The following MTUS1 variants were observed in gnomAD, a reference collection of about 807,000 sequenced individuals.
MTUS1 encodes microtubule-associated tumor suppressor 1.
Under a neutral mutation model 120.8 loss-of-function variants are expected in MTUS1, and 109 were observed. The ratio of observed to expected loss-of-function variants is 0.90; its 90% CI spans 0.77 to 1.06. MTUS1 has a LOEUF of 1.06. Among genes scored for constraint, MTUS1 ranks in the 50% least tolerant of loss-of-function variants. The pLI is 0.00. For missense variants in MTUS1, 2,210 were observed against 1,486.3 expected (o/e 1.49, Z -8.01); for synonymous variants, 737 against 550.5 (o/e 1.34, Z -4.74).
Position 17,740,376 on chromosome 8 carries a change from G to A in MTUS1, c.2287+3228C>T, listed in dbSNP as rs539687831. Reference sequence around the variant, plus strand: ...TTTATTGAAAACGCCAAATTGGCTGGAACATTTCTGCCGCTTACCTTTCAG... The same window carrying A: ...TTTATTGAAAACGCCAAATTGGCTGAAACATTTCTGCCGCTTACCTTTCAG... On this transcript the variant is annotated intron_variant, in intron 3 of 14. Coordinates refer to ENST00000693296, the MANE Select transcript of MTUS1 (RefSeq NM_001363059.2). Among the ~76,000 whole-genome samples, 11 of 152,294 alleles carry A rather than the reference G, an allele frequency of 7.2e-5. No homozygotes were observed. In the South Asian group the frequency reaches 2.3e-3, roughly 32 times the overall value.
At position 17,729,566 on chromosome 8, in the gene MTUS1, G is replaced by C. The variant is rs372628816; in HGVS notation, c.2288-5733C>G. Among the ~76,000 whole-genome samples the C allele has an allele frequency of 1.9e-4, 29 of 152,240 alleles. 2 individuals are homozygous for C. Among genetic ancestry groups the C allele is most frequent in the African/African-American group, 6.3e-4 (26 of 41,548 alleles). The stretch of plus-strand genomic sequence containing the variant: ...TTCTGTGAATAAATTTATCAAAAAA[G>C]TGCTATTCTATTGTGAAAATTATAA... On this transcript the variant is annotated intron_variant, in intron 3 of 14. Coordinates refer to ENST00000693296, the MANE Select transcript of MTUS1 (RefSeq NM_001363059.2).
At chr8:17,694,382 T>C (rs748010664) in intron 6 of MTUS1, among the ~76,000 whole-genome samples, 4 of 152,178 alleles carry the variant, frequency 2.6e-5, no homozygotes, top group Admixed American at 2.0e-4. Context: ...AAGGTGAGGT[T>C]TGGCCAGACG....
At chr8:17,796,144 T>C (rs1470422209) in intron 1 of MTUS1, among the ~76,000 whole-genome samples, 1 of 111,364 alleles carries the variant, frequency 9.0e-6, no homozygotes, top group Non-Finnish European at 1.9e-5. Context: ...AGAGATGGGG[T>C]TTCACTATGT....
chr8:17,731,312 G>A (rs1191465633), intron 3 of MTUS1, among the ~76,000 whole-genome samples: 4 of 152,142 alleles, frequency 2.6e-5, no homozygotes, highest in African/African-American at 7.2e-5. Context: ...TAGTGAGCAG[G>A]TTCCTCACCG....
chr8:17,657,371 A>G lies in MTUS1; in HGVS notation c.2906-1306T>C, dbSNP rs555638221. 4.4e-3 allele frequency among the ~76,000 whole-genome samples: 669 copies of G among 151,614 alleles called. 6 individuals are homozygous for G. Among genetic ancestry groups the G allele is most frequent in the African/African-American group, 0.016 (647 of 41,382 alleles). On this transcript the variant is annotated intron_variant, in intron 8 of 14. Transcript: ENST00000693296. ...ATCACGAGGTCAGGAGATCGAGACC[A>G]TCCCGGCTAAAACGGTGAAACCCCG...
intron 1 of MTUS1, among the ~76,000 whole-genome samples, chr8:17,788,370 T>C (rs191004141): frequency 2.1e-4 from 32 of 152,348 alleles, no homozygotes; most frequent in African/African-American, 7.2e-4. Flanking sequence ...ATTCTTTTTC[T>C]GTAATCTGCT....
At chr8:17,732,522 C>T (rs1255458306) in intron 3 of MTUS1, among the ~76,000 whole-genome samples, 1 of 152,220 alleles carries the variant, frequency 6.6e-6, no homozygotes, top group East Asian at 1.9e-4. Context: ...GTGGGGCTCT[C>T]ATCCAGTCTG....
chr8:17,774,147 G>T (rs564991038), intron 1 of MTUS1, among the ~76,000 whole-genome samples: 1 of 152,072 alleles, frequency 6.6e-6, no homozygotes, highest in African/African-American at 2.4e-5. Context: ...CTAGATAAAC[G>T]CTACTAACAG....
At chr8:17,679,197 T>C (rs1297293952) in intron 7 of MTUS1, among the ~76,000 whole-genome samples, 3 of 60,246 alleles carry the variant, frequency 5.0e-5, no homozygotes, top group South Asian at 8.7e-4. Context: ...AAAAAATATA[T>C]ATACACACAC....
intron 8 of MTUS1, among the ~76,000 whole-genome samples, chr8:17,667,549 T>C (rs990995823): frequency 1.3e-5 from 2 of 152,234 alleles, no homozygotes; most frequent in South Asian, 2.1e-4. Context: ...CTTTTGGCAA[T>C]GTACTGTTTT....
At chr8:17,657,364 C>T (rs577022601) in intron 8 of MTUS1, among the ~76,000 whole-genome samples, 53 of 151,436 alleles carry the variant, frequency 3.5e-4, no homozygotes, top group Middle Eastern at 3.4e-3. Context: ...GTCAGGAGAT[C>T]GAGACCATCC....
intron 12 of MTUS1, among the ~76,000 whole-genome samples, chr8:17,650,515 G>A (rs1280107493): frequency 6.6e-6 from 1 of 152,150 alleles, no homozygotes; most frequent in African/African-American, 2.4e-5. Flanking sequence ...TACCTACACG[G>A]CATGGAGTAC....
chr8:17,781,358 C>G (rs189442721), intron 1 of MTUS1, among the ~76,000 whole-genome samples: 1 of 152,170 alleles, frequency 6.6e-6, no homozygotes, highest in Admixed American at 6.5e-5. Flanking sequence ...TTAAATAATC[C>G]TCCCCTAAAT....
At chr8:17,766,058 T>A (rs1222612559) in intron 1 of MTUS1, among the ~76,000 whole-genome samples, 1 of 152,208 alleles carries the variant, frequency 6.6e-6, no homozygotes. Flanking sequence ...TACCTTTGTT[T>A]AAATAAAAAA....
intron 1 of MTUS1, among the ~76,000 whole-genome samples, chr8:17,786,744 C>T (rs1018029265): frequency 5.3e-5 from 8 of 152,056 alleles, no homozygotes; most frequent in African/African-American, 1.2e-4. Flanking sequence ...TGGATCCACC[C>T]GAGCGGTATG....
In MTUS1 at chr8:17,694,341, T is replaced by C. The variant is rs7010135; in HGVS notation, c.2624-9799A>G. 3.1e-3 allele frequency among the ~76,000 whole-genome samples: 476 copies of C among 152,242 alleles called. 2 individuals are homozygous for C. Among genetic ancestry groups the C allele is most frequent in the East Asian group, 0.013 (68 of 5,176 alleles). On this transcript the variant is annotated intron_variant, in intron 6 of 14. Coordinates refer to ENST00000693296, the MANE Select transcript of MTUS1 (RefSeq NM_001363059.2). ...AGTCTTAGAGTTTTCAACCAATTGATTGTGGATAAATCAGGACAAGTAATG... is the reference window on the plus strand; with the variant it reads ...AGTCTTAGAGTTTTCAACCAATTGACTGTGGATAAATCAGGACAAGTAATG...
At chr8:17,697,292 G>A (rs1433023473) in intron 6 of MTUS1, 2 of 1,614,134 alleles carry the variant, frequency 1.2e-6, no homozygotes. Context: ...CCTAAACCCT[G>A]AAGGAAGTCG....
intron 6 of MTUS1, among the ~76,000 whole-genome samples, chr8:17,696,465 C>G (rs1397520187): frequency 6.6e-6 from 1 of 151,986 alleles, no homozygotes; most frequent in African/African-American, 2.4e-5. Context: ...CTATTCAGCC[C>G]AAAACAAATA....
chr8:17,656,644 G>A (rs1033081676), intron 8 of MTUS1, among the ~76,000 whole-genome samples: 2 of 148,798 alleles, frequency 1.3e-5, no homozygotes, highest in Non-Finnish European at 3.0e-5. Context: ...CTCATGTGGT[G>A]ACCAGTCAAT....
Sources: gnomAD v4.1 joint callset for allele counts (sites outside exome capture counted in the v4.1 genomes callset) on GRCh38, gnomAD v4.1.1 for gene constraint, MANE v1.5 for transcripts, NCBI Gene and HGNC (gene_info 2026-07-23, HGNC 2026-07-21) for gene names.